The following TRMT1 variants were observed in gnomAD, a reference collection of about 807,000 sequenced individuals.
TRMT1 encodes tRNA (guanine(26)-N(2))-dimethyltransferase.
Under a neutral mutation model 75.4 loss-of-function variants are expected in TRMT1, and 63 were observed. The ratio of observed to expected loss-of-function variants is 0.84; its 90% CI spans 0.68 to 1.03. TRMT1 has a LOEUF of 1.03. Ranked by LOEUF, TRMT1 falls within the 50% of genes least tolerant of loss-of-function variation. TRMT1 has a pLI of 0.00. For missense variants in TRMT1, 870 were observed against 905.3 expected (o/e 0.96, Z 0.50); for synonymous variants, 382 against 358.1 (o/e 1.07, Z -0.75).
chr19:13,108,397 TCTC>T (rs2018978246), intron 12 of TRMT1, among the ~76,000 whole-genome samples: 1 of 151,928 alleles, frequency 6.6e-6, no homozygotes, highest in Non-Finnish European at 1.5e-5. Flanking sequence ...TTCAACCAAT[TCTC>T]CTGTCTCAGC....
chr19:13,107,648 C>T lies in TRMT1; in HGVS notation c.1509G>A (p.Glu503=), dbSNP rs35206121. 3,154 of 1,605,098 alleles carry T rather than the reference C, an allele frequency of 2.0e-3. 13 individuals carry two copies. Among genetic ancestry groups the T allele is most frequent in the East Asian group, 0.015 (692 of 44,670 alleles). Residue 503 remains glutamate, a splice_region_variant and synonymous_variant, in exon 14 of 17, where the codon GAG becomes GAA. Transcript: ENST00000357720. ...SALWDIMRCW[E]KECPVKRERL... is the part of the protein sequence containing the mutation. ...GCTCCCGTTTCACCGGACATTCCTT[C>T]TCCTGGGGGCAGAGGTCAGAGGTTA...
intron 4 of TRMT1, 36 bp from the exon 5 acceptor site, chr19:13,115,502 C>T: frequency 6.2e-7 from 1 of 1,601,636 alleles, no homozygotes; most frequent in South Asian, 1.1e-5. Context: ...CTCACATCTC[C>T]ACCTCCATCC....
At position 13,115,406 on chromosome 19, in the gene TRMT1, G is replaced by C. The variant is rs750468996; in HGVS notation, c.514C>G (p.Leu172Val). The C allele has an allele frequency of 3.7e-6, 6 of 1,614,028 alleles. No individual in the cohort carries two copies. In the East Asian group the frequency reaches 1.3e-4, roughly 36 times the overall value. The change falls in exon 5 of 17, where the codon CTA becomes GTA. Residue 172 changes from leucine (L) to valine (V), a missense_variant. Transcript: ENST00000357720. ...ASGLRSIRFA[L>V]EVPGLRSVVA... ...ACAGATCTGAGCCCAGGCACCTCTA[G>C]GGCAAATCGAATGGAACGTAGGCCT...
In TRMT1 at chr19:13,115,358, G is replaced by A. The variant is rs769353223; in HGVS notation, c.562C>T (p.Arg188Trp). The part of the protein sequence containing the change: ...RSVVANDAST[R>W]AVDLIRRNVQ... ...TTCCGGCGTATGAGATCCACAGCCC[G>A]GGTGGAGGCATCGTTTGCAACCACA... Residue 188 changes from arginine to tryptophan, a missense_variant, in exon 5 of 17, where the codon CGG (arginine) becomes TGG (tryptophan). Transcript: ENST00000357720. The A allele has an allele frequency of 1.2e-5, 20 of 1,613,950 alleles. No individual in the cohort carries two copies. The highest frequency in any genetic ancestry group is 6.7e-5 in the East Asian group (3 of 44,900).
At position 13,105,703 on chromosome 19, in the gene TRMT1, C is replaced by T. The variant is rs1568357071; in HGVS notation, c.1584-97G>A. The stretch of plus-strand genomic sequence containing the variant: ...GCCTGTCCGCCTCCACAACACAGCA[C>T]GAGGTGTCTGCTCATGTCAGGATTC... On this transcript the variant is annotated intron_variant, in intron 14 of 16. Coordinates refer to ENST00000357720, the MANE Select transcript of TRMT1 (RefSeq NM_001136035.4). 2.2e-5 allele frequency: 27 copies of T among 1,208,502 alleles called. 1 individual carries two copies. Among genetic ancestry groups the T allele is most frequent in the Non-Finnish European group, 3.1e-5 (27 of 857,240 alleles). The allele number at this position is 1,208,502 out of a possible 1,614,324, so 74.9% of individuals were successfully genotyped here. A position where few individuals can be genotyped will look rare whatever the true frequency, so the allele number is the denominator to read the frequency against.
intron 5 of TRMT1, 98 bp downstream of exon 5, chr19:13,115,181 G>T: frequency 7.5e-7 from 1 of 1,332,448 alleles, no homozygotes; most frequent in Non-Finnish European, 1.0e-6. Context: ...AAGAGGCTAA[G>T]TCACTCACTC....
chr19:13,110,465 C>A (rs2019098714), intron 7 of TRMT1, among the ~76,000 whole-genome samples, 159 bp from the exon 8 acceptor site: 1 of 152,238 alleles, frequency 6.6e-6, no homozygotes, highest in Non-Finnish European at 1.5e-5. Context: ...AGTGAGTATC[C>A]CCTCTCTGTG....
intron 7 of TRMT1, 116 bp from the exon 8 acceptor site, chr19:13,110,422 C>T: frequency 8.0e-7 from 1 of 1,251,360 alleles, no homozygotes; most frequent in Non-Finnish European, 1.1e-6. Context: ...TCCAAGCCCA[C>T]CCCTGAAAGT....
At chr19:13,106,771 GC>G (rs2018889815) in intron 14 of TRMT1, among the ~76,000 whole-genome samples, 1 of 151,570 alleles carries the variant, frequency 6.6e-6, no homozygotes, top group African/African-American at 2.4e-5. Flanking sequence ...ACAGGTGTGA[GC>G]CACTACGCCC....
At position 13,115,623 on chromosome 19, in the gene TRMT1, C is replaced by T; in HGVS notation, c.453+3G>A. The T allele has an allele frequency of 6.2e-7, 1 of 1,613,588 alleles. No homozygotes were observed. The highest frequency in any genetic ancestry group is 2.2e-5 in the East Asian group (1 of 44,874). On this transcript the variant is annotated splice_donor_region_variant and intron_variant, in intron 4 of 16. Transcript: ENST00000357720. ...GCTGCCAGCTCCTATGCTCAGGCCC[C>T]ACCTCACAGATCTCCCCCACGGCCG...
Position 13,110,150 on chromosome 19 carries a change from G to A in TRMT1, c.1019+8C>T, listed in dbSNP as rs200661614. The A allele has an allele frequency of 1.1e-4, 178 of 1,612,000 alleles. 1 individual carries two copies. In the East Asian group the frequency reaches 3.1e-3, roughly 28 times the overall value. On this transcript the variant is annotated splice_region_variant and intron_variant, in intron 8 of 16. Transcript: ENST00000357720. ...CAATCCACCACCGCTCTCTGCCCCC[G>A]GGCTGACCTGGCTGAGGCCTTGACC... is the stretch of plus-strand genomic sequence containing the variant.
intron 12 of TRMT1, among the ~76,000 whole-genome samples, chr19:13,108,541 C>T (rs530176769): frequency 7.2e-5 from 11 of 152,238 alleles, no homozygotes; most frequent in Admixed American, 2.0e-4. Context: ...GATTCGCCCG[C>T]CTCAGCCTCC....
Position 13,109,570 on chromosome 19 carries a change from C to T in TRMT1, c.1291G>A (p.Val431Ile), listed in dbSNP as rs756372792. The change falls in exon 11 of 17, where the codon GTC becomes ATC. Residue 431 changes from valine to isoleucine, a missense_variant. Physicochemically the swap from Val to Ile is conservative, Grantham distance 29. Coordinates refer to ENST00000357720, the MANE Select transcript of TRMT1 (RefSeq NM_001136035.4). ...RFHTSERIRG[V>I]LSVITEELPD... ...CTCACCTCAGTGATGACGCTCAGGA[C>T]CCCTCGGATCCGCTCCGAGGTGTGG... 5.6e-6 allele frequency: 9 copies of T among 1,613,884 alleles called. No individual in the cohort carries two copies. The highest frequency in any genetic ancestry group is 7.6e-6 in the Non-Finnish European group (9 of 1,179,984).
chr19:13,110,208 ACG>A lies in TRMT1; in HGVS notation c.967_968del (p.Arg323CysfsTer62), dbSNP rs1568366559. 6.2e-7 allele frequency: 1 copy of A among 1,607,120 alleles called. No individual in the cohort carries two copies. Among genetic ancestry groups the A allele is most frequent in the Non-Finnish European group, 8.5e-7 (1 of 1,176,568 alleles). ...LLSISADFYV[R>X]VFVRVFTGQA... Reference sequence around the variant, plus strand: ...GGCCGGTGAAGACACGGACAAAAACACGCACGTAGAAGTCAGCGCTGATGCTG... The same window carrying A: ...GGCCGGTGAAGACACGGACAAAAACACACGTAGAAGTCAGCGCTGATGCTG... On this transcript the variant is annotated frameshift_variant, in exon 8 of 17. Transcript: ENST00000357720. LOFTEE classifies it high-confidence loss of function.
chr19:13,111,746 C>T lies in TRMT1; in HGVS notation c.870+959G>A, dbSNP rs533643372. On this transcript the variant is annotated intron_variant, in intron 7 of 16. Transcript: ENST00000357720. ...ACAGAGTCTTGCTCTGTCGCCCAGG[C>T]TGGAGTGCAGTGGCACAGTCTCAGC... Among the ~76,000 whole-genome samples the T allele has an allele frequency of 9.5e-5, 14 of 147,458 alleles. No individual in the cohort carries two copies. In the South Asian group the frequency reaches 2.8e-3, roughly 29 times the overall value.
At chr19:13,111,223 T>C in intron 7 of TRMT1, among the ~76,000 whole-genome samples, 1 of 151,494 alleles carries the variant, frequency 6.6e-6, no homozygotes, top group Admixed American at 6.6e-5. Flanking sequence ...TTTAGGGTTT[T>C]TTTGTAGAGA....
At chr19:13,115,525 C>A (rs1042109386) in intron 4 of TRMT1, 59 bp from the exon 5 acceptor site, 6 of 1,598,066 alleles carry the variant, frequency 3.8e-6, no homozygotes, top group Admixed American at 1.7e-5. Context: ...TTCTGGGCCC[C>A]AAGGAGCCCC....
Position 13,109,381 on chromosome 19 carries a change from CGCA to C in TRMT1, c.1394_1396del (p.Leu465_Arg466delinsTrp), listed in dbSNP as rs1568363847. 1.9e-6 allele frequency: 3 copies of C among 1,612,298 alleles called. No individual in the cohort carries two copies. Among genetic ancestry groups the C allele is most frequent in the Non-Finnish European group, 2.5e-6 (3 of 1,179,962 alleles). On this transcript the variant is annotated inframe_deletion and splice_region_variant, in exon 12 of 17. Coordinates refer to ENST00000357720, the MANE Select transcript of TRMT1 (RefSeq NM_001136035.4). ...TCCTCCCGACCCCAGGGGCTCTTACCGCAACTGCAGGAGGCTTGGTGTGTTGCA... is the reference window on the plus strand; with the variant it reads ...TCCTCCCGACCCCAGGGGCTCTTACCACTGCAGGAGGCTTGGTGTGTTGCA...
intron 12 of TRMT1, among the ~76,000 whole-genome samples, chr19:13,108,912 ATTTTTTTTTTT>A (rs74181811): frequency 4.8e-5 from 6 of 126,100 alleles, no homozygotes; most frequent in Admixed American, 1.6e-4. Context: ...GCCTGGCCTA[ATTTTTTTTTTT>A]TTTTTTTTTT....
Sources: gnomAD v4.1 joint callset for allele counts (sites outside exome capture counted in the v4.1 genomes callset) on GRCh38, gnomAD v4.1.1 for gene constraint, MANE v1.5 for transcripts, NCBI Gene and HGNC (gene_info 2026-07-23, HGNC 2026-07-21) for gene names.